Variants in GPAM observed in about 807,000 individuals in gnomAD.
GPAM encodes the protein glycerol-3-phosphate acyltransferase 1, mitochondrial.
A neutral mutation model predicts 105.0 loss-of-function variants in GPAM; 56 were observed. The observed-to-expected ratio is 0.53, with a 90% CI of 0.43 to 0.67. GPAM has a LOEUF of 0.67. GPAM is among the 30% of genes least tolerant of loss of function. The probability of loss-of-function intolerance (pLI) is 0.00; values close to 1 mark genes in which losing one functional copy is unlikely to be tolerated. For synonymous variants in GPAM, 368 were observed against 354.4 expected (o/e 1.04, Z -0.43); for missense variants, 855 against 989.8 (o/e 0.86, Z 1.83).
the GPAM span, among the ~76,000 whole-genome samples, chr10:112,221,998 A>T: frequency 6.6e-6 from 1 of 152,228 alleles, no homozygotes; most frequent in Non-Finnish European, 1.5e-5. Flanking sequence ...AGAGATACCT[A>T]CCAAAATATT....
chr10:112,159,213 TTTC>T (rs1457068478), intron 17 of GPAM, among the ~76,000 whole-genome samples: 1 of 139,908 alleles, frequency 7.1e-6, no homozygotes, highest in African/African-American at 2.7e-5. Flanking sequence ...AGCAGATGAT[TTTC>T]TTTTTTTTTT....
Position 112,159,987 on chromosome 10 carries a change from A to G in GPAM, c.1826T>C (p.Leu609Pro). ...CCGCACCAGCTGCTCCTGGCTGATC[A>G]GGTTAGGTGGGGTGCTAGTGGGACC... is the stretch of plus-strand genomic sequence containing the variant. ...LGGPTSTPPN[L>P]ISQEQLVRKA... Residue 609 changes from leucine (L) to proline (P), a missense_variant, in exon 17 of 22, where the codon CTG (leucine) becomes CCG (proline). By Grantham distance (98) the Leu-to-Pro change is moderately conservative (BLOSUM62 -3). Transcript: ENST00000348367. The G allele has an allele frequency of 6.2e-7, 1 of 1,613,976 alleles. No homozygotes were observed. The highest frequency in any genetic ancestry group is 1.1e-5 in the South Asian group (1 of 91,082).
Position 112,155,956 on chromosome 10 carries a change from T to C in GPAM, c.2219A>G (p.His740Arg), listed in dbSNP as rs760527408. ...TTCTGGAACAGGACCACTGAAGTTGTGAACAAAGATGGCAGCAGAGCTGTA... is the reference window on the plus strand; with the variant it reads ...TTCTGGAACAGGACCACTGAAGTTGCGAACAAAGATGGCAGCAGAGCTGTA... ...EAYSSAAIFV[H>R]NFSGPVPEPE... is the part of the protein sequence containing the mutation. Residue 740 changes from histidine (H) to arginine (R), a missense_variant, in exon 20 of 22, where the codon CAC becomes CGC. Coordinates refer to ENST00000348367, the MANE Select transcript of GPAM (RefSeq NM_001244949.2). 1.2e-6 allele frequency: 2 copies of C among 1,612,012 alleles called. No homozygotes were observed. Among genetic ancestry groups the C allele is most frequent in the Admixed American group, 1.7e-5 (1 of 60,016 alleles).
chr10:112,161,503 A>G (rs1275297693), intron 15 of GPAM, among the ~76,000 whole-genome samples, 164 bp downstream of exon 15: 1 of 152,222 alleles, frequency 6.6e-6, no homozygotes, highest in Non-Finnish European at 1.5e-5. Flanking sequence ...TTCTTCCTCC[A>G]CCAAGTTGAT....
intron 8 of GPAM, 68 bp downstream of exon 8, chr10:112,172,902 C>T: frequency 1.2e-6 from 1 of 868,426 alleles, no homozygotes; most frequent in South Asian, 1.3e-5. Flanking sequence ...AAAACATTTC[C>T]ACAAGAACCC....
At chr10:112,156,396 T>C in intron 19 of GPAM, 1 of 333,304 alleles carries the variant, frequency 3.0e-6, no homozygotes, top group Non-Finnish European at 5.8e-6. Context: ...CCTCCATGGT[T>C]TGAAGCCTGG....
chr10:112,216,223 C>A (rs1257525809), upstream of GPAM, among the ~76,000 whole-genome samples: 1 of 152,200 alleles, frequency 6.6e-6, no homozygotes, highest in South Asian at 2.1e-4. Flanking sequence ...TTAAGGGGAA[C>A]CCTCTTATTA....
rs369503564 is a variant in GPAM, at chr10:112,175,679, C to T, written c.334G>A (p.Val112Ile). 6.9e-5 allele frequency: 111 copies of T among 1,612,958 alleles called. No individual in the cohort carries two copies. The highest frequency in any genetic ancestry group is 5.6e-4 in the East Asian group (25 of 44,888). The change falls in exon 6 of 22, where the codon GTT (valine) becomes ATT (isoleucine). Residue 112 changes from valine to isoleucine, a missense_variant. By Grantham distance (29) the Val-to-Ile change is conservative. Transcript: ENST00000348367. ...RGWLARRLSYVLFIQERDVHK... is the reference protein window; with the variant it reads ...RGWLARRLSYILFIQERDVHK... ...ACATCTCGCTCTTGAATAAAAAGAA[C>T]GTAAGAAAGGCGTCTTGCAAGCCAT...
Position 112,150,948 on chromosome 10 carries a change from G to GGAA in GPAM, c.*2599_*2601dup. 1.0e-6 allele frequency: 1 copy of GGAA among 984,632 alleles called. No individual in the cohort carries two copies. Among genetic ancestry groups the GGAA allele is most frequent in the African/African-American group, 1.7e-5 (1 of 57,328 alleles). The allele number at this position is 984,632 out of a possible 1,614,324, so 61.0% of individuals were successfully genotyped here. ...TTGTGAAATTTAACAGATTCCAGAA[G>GGAA]GAAGACTCGAAGCCATCTCAGTTAA... On this transcript the variant is annotated 3_prime_UTR_variant, in exon 22 of 22. Coordinates refer to ENST00000348367, the MANE Select transcript of GPAM (RefSeq NM_001244949.2).
intron 13 of GPAM, 112 bp from the exon 14 acceptor site, chr10:112,163,928 T>C: frequency 1.4e-6 from 1 of 702,514 alleles, no homozygotes; most frequent in Non-Finnish European, 2.6e-6. Flanking sequence ...ATTTTAAATT[T>C]AAACCACAAA....
chr10:112,163,794 C>G lies in GPAM; in HGVS notation c.1330G>C (p.Gly444Arg), dbSNP rs1329319582. The part of the protein sequence containing the change: ...PSRPSDAADE[G>R]RDTSINESRN... ...GACTCATTAATGGACGTGTCTCTAC[C>G]TTCATCAGCAGCATCACTGGGTCTA... is the stretch of plus-strand genomic sequence containing the variant. Residue 444 changes from glycine to arginine, a missense_variant, in exon 14 of 22, where the codon GGT becomes CGT. Transcript: ENST00000348367. The G allele has an allele frequency of 1.3e-6, 2 of 1,590,880 alleles. No individual in the cohort carries two copies. The highest frequency in any genetic ancestry group is 1.7e-5 in the Admixed American group (1 of 59,978).
upstream of GPAM, among the ~76,000 whole-genome samples, chr10:112,219,855 T>G (rs1411457835): frequency 6.6e-6 from 1 of 152,102 alleles, no homozygotes; most frequent in African/African-American, 2.4e-5. Context: ...TGGGAGACAT[T>G]TAATTTATAG....
At position 112,161,668 on chromosome 10, in the gene GPAM, T is replaced by C; in HGVS notation, c.1493A>G (p.Gln498Arg). 4 of 1,610,356 alleles carry C rather than the reference T, an allele frequency of 2.5e-6. No homozygotes were observed. Among genetic ancestry groups the C allele is most frequent in the Non-Finnish European group, 3.4e-6 (4 of 1,176,662 alleles). The change falls in exon 15 of 22, where the codon CAG becomes CGG. Residue 498 changes from glutamine (Q) to arginine (R), a missense_variant and splice_region_variant. Physicochemically the swap from Gln to Arg is conservative, Grantham distance 43 (BLOSUM62 1). Coordinates refer to ENST00000348367, the MANE Select transcript of GPAM (RefSeq NM_001244949.2). The part of the protein sequence containing the change: ...VACLLLYRHR[Q>R]GIDLSTLVED... ...CTGCAGGTGACATTGCAGACATACC[T>C]GCCTGTGTCTGTAGAGGAGCAGGCA...
chr10:112,170,343 T>C (rs369090204), intron 9 of GPAM, among the ~76,000 whole-genome samples: 2 of 152,270 alleles, frequency 1.3e-5, no homozygotes, highest in South Asian at 4.2e-4. Context: ...GGGTAGACTG[T>C]CATGTAACAA....
At chr10:112,192,239 G>A (rs1172443258) in intron 1 of GPAM, among the ~76,000 whole-genome samples, 1 of 151,980 alleles carries the variant, frequency 6.6e-6, no homozygotes, top group Non-Finnish European at 1.5e-5. Flanking sequence ...AGCCTTTTTT[G>A]CAGCAGGCAT....
chr10:112,186,357 T>C (rs1168037937), upstream of GPAM, among the ~76,000 whole-genome samples: 2 of 151,708 alleles, frequency 1.3e-5, no homozygotes, highest in Non-Finnish European at 2.9e-5. Flanking sequence ...TGACATCGAA[T>C]TGCCAAAAGA....
At chr10:112,199,835 G>C (rs1016028407) in intron 1 of GPAM, among the ~76,000 whole-genome samples, 6 of 152,020 alleles carry the variant, frequency 3.9e-5, no homozygotes, top group Non-Finnish European at 7.4e-5. Context: ...CCTACCATGG[G>C]AACAGTATGG....
chr10:112,177,680 G>A (rs1011664091), intron 5 of GPAM, among the ~76,000 whole-genome samples: 5 of 151,908 alleles, frequency 3.3e-5, no homozygotes, highest in Non-Finnish European at 7.4e-5. Flanking sequence ...CAAACCTACC[G>A]GTCTTCTCAG....
the GPAM span, among the ~76,000 whole-genome samples, chr10:112,222,999 C>T: frequency 5.9e-5 from 9 of 152,110 alleles, no homozygotes; most frequent in Non-Finnish European, 1.2e-4. Context: ...GCCACATGTA[C>T]CCCAGGCCAC....
Sources: gnomAD v4.1 joint callset for allele counts (sites outside exome capture counted in the v4.1 genomes callset) on GRCh38, gnomAD v4.1.1 for gene constraint, MANE v1.5 for transcripts, NCBI Gene and HGNC (gene_info 2026-07-23, HGNC 2026-07-21) for gene names.